The following NEB variants were observed in gnomAD, a reference collection of about 807,000 sequenced individuals.
NEB encodes nebulin.
Under a neutral mutation model 952.2 loss-of-function variants are expected in NEB, and 512 were observed. The ratio of observed to expected loss-of-function variants is 0.54; its 90% CI spans 0.50 to 0.58. The LOEUF is 0.58. Among genes scored for constraint, NEB ranks in the 20% least tolerant of loss-of-function variants. The probability of loss-of-function intolerance (pLI) is 0.00; values close to 1 mark genes in which losing one functional copy is unlikely to be tolerated. For synonymous variants in NEB, 2,900 were observed against 3,149.8 expected, an observed-to-expected ratio of 0.92 and a Z score of 2.66; for missense variants, 8,428 against 9,231.1, an observed-to-expected ratio of 0.91 and a Z score of 3.56.
intron 63 of NEB, among the ~76,000 whole-genome samples, chr2:151,638,086 A>T (rs1157150586): frequency 6.6e-6 from 1 of 152,232 alleles, no homozygotes; most frequent in Admixed American, 6.5e-5. Flanking sequence ...TAAGAAGAAG[A>T]AATTACAGAG....
At chr2:151,624,538 C>T (rs2098481343) in intron 71 of NEB, among the ~76,000 whole-genome samples, 1 of 152,140 alleles carries the variant, frequency 6.6e-6, no homozygotes, top group South Asian at 2.1e-4. Context: ...TATCTATAAT[C>T]AGGCTTGTCC....
chr2:151,719,520 A>G (rs540147997), intron 9 of NEB, among the ~76,000 whole-genome samples: 30 of 152,318 alleles, frequency 2.0e-4, no homozygotes, highest in Non-Finnish European at 2.9e-4. Flanking sequence ...CATCAAATCA[A>G]TTGGGATACA....
chr2:151,655,090 T>C (rs141094882), intron 51 of NEB, among the ~76,000 whole-genome samples, 180 bp downstream of exon 51: 5 of 152,324 alleles, frequency 3.3e-5, no homozygotes, highest in African/African-American at 1.2e-4. Context: ...CCACAAAGCA[T>C]ACAGTTGTGG....
intron 3 of NEB, among the ~76,000 whole-genome samples, chr2:151,732,216 A>T (rs2099810727): frequency 6.6e-6 from 1 of 152,196 alleles, no homozygotes; most frequent in Non-Finnish European, 1.5e-5. Flanking sequence ...CATCATCATT[A>T]ATTGGTAATT....
chr2:151,627,389 A>C, intron 69 of NEB, 134 bp downstream of exon 69: 1 of 1,442,438 alleles, frequency 6.9e-7, no homozygotes, highest in Non-Finnish European at 9.4e-7. Context: ...AGTAAGGGGA[A>C]GAGTTGCCTA....
At position 151,674,641 on chromosome 2, in the gene NEB, G is replaced by T. The variant is rs149111593; in HGVS notation, c.3880-57C>A. 36 of 1,311,018 alleles carry T rather than the reference G, an allele frequency of 2.7e-5. No individual in the cohort carries two copies. In the African/African-American group the frequency reaches 3.9e-4, roughly 14 times the overall value. The allele number at this position is 1,311,018 out of a possible 1,614,324, so 81.2% of individuals were successfully genotyped here. A position where few individuals can be genotyped will look rare whatever the true frequency, so the allele number is the denominator to read the frequency against. On this transcript the variant is annotated intron_variant, in intron 35 of 181. Transcript: ENST00000397345. Reference sequence around the variant, plus strand: ...CTGTAAGTGATTCCTCAACTGCTGGGATTGTTTTGTTCTTTTCCAGACAGA... The same window carrying T: ...CTGTAAGTGATTCCTCAACTGCTGGTATTGTTTTGTTCTTTTCCAGACAGA...
At position 151,644,523 on chromosome 2, in the gene NEB, G is replaced by C. The variant is rs1315888310; in HGVS notation, c.7589C>G (p.Pro2530Arg). The C allele has an allele frequency of 1.2e-6, 2 of 1,613,924 alleles. No individual in the cohort carries two copies. Among genetic ancestry groups the C allele is most frequent in the Admixed American group, 1.7e-5 (1 of 60,024 alleles). Residue 2530 changes from proline to arginine, a missense_variant, in exon 56 of 182, where the codon CCT becomes CGT. By Grantham distance (103) the Pro-to-Arg change is moderately radical. Transcript: ENST00000397345. ...TGCTTTGATTGGTATGGCATCAACAGGAAGATCGTAACCTTTTCTCTTCAG... is the reference window on the plus strand; with the variant it reads ...TGCTTTGATTGGTATGGCATCAACACGAAGATCGTAACCTTTTCTCTTCAG... ...EELKRKGYDL[P>R]VDAIPIKAAK...
intron 13 of NEB, among the ~76,000 whole-genome samples, chr2:151,706,536 A>G (rs527576680): frequency 1.3e-5 from 2 of 152,250 alleles, no homozygotes; most frequent in Non-Finnish European, 2.9e-5. Flanking sequence ...TATCTTTGAA[A>G]GTCTCCTTCT....
chr2:151,650,975 T>G, intron 52 of NEB, 90 bp from the exon 53 acceptor site: 4 of 1,276,268 alleles, frequency 3.1e-6, no homozygotes, highest in Non-Finnish European at 3.2e-6. Context: ...TTCTTTTTTT[T>G]GAGACAGGGG....
intron 73 of NEB, 81 bp from the exon 74 acceptor site, chr2:151,618,559 C>T: frequency 1.5e-6 from 2 of 1,302,966 alleles, no homozygotes; most frequent in East Asian, 5.0e-5. Context: ...CCTAGAGAAA[C>T]ACAAAAATAC....
chr2:151,659,269 T>C, intron 46 of NEB, 100 bp from the exon 47 acceptor site: 1 of 652,354 alleles, frequency 1.5e-6, no homozygotes, highest in Non-Finnish European at 2.6e-6. Context: ...TCATGTATTT[T>C]TATTAGCTAG....
intron 71 of NEB, 48 bp from the exon 72 acceptor site, chr2:151,621,074 G>A (rs756946672): frequency 7.6e-6 from 11 of 1,451,602 alleles, no homozygotes; most frequent in Middle Eastern, 3.5e-4. Flanking sequence ...ACATTCACTC[G>A]AAAAGTATAT....
intron 135 of NEB, among the ~76,000 whole-genome samples, chr2:151,542,177 A>T (rs985349868): frequency 1.1e-4 from 16 of 152,076 alleles, no homozygotes; most frequent in Admixed American, 6.5e-5. Flanking sequence ...CTTCCATTCA[A>T]CCATTCTTCC....
Position 151,680,712 on chromosome 2 carries a change from G to A in NEB, c.3042+18C>T. 1 of 1,496,118 alleles carries A rather than the reference G, an allele frequency of 6.7e-7. No homozygotes were observed. Among genetic ancestry groups the A allele is most frequent in the Non-Finnish European group, 9.3e-7 (1 of 1,078,316 alleles). The allele number at this position is 1,496,118 out of a possible 1,614,324, so 92.7% of individuals were successfully genotyped here. ...ATTAGTTAACATCTATTAACATATA[G>A]ATAGCATTAACACTTACATCACTCC... On this transcript the variant is annotated intron_variant, in intron 30 of 181. Transcript: ENST00000397345.
intron 52 of NEB, among the ~76,000 whole-genome samples, chr2:151,651,932 C>T (rs979727339): frequency 2.6e-5 from 4 of 152,092 alleles, no homozygotes; most frequent in South Asian, 4.1e-4. Context: ...GAAAACAACA[C>T]TAAATTTTGA....
At chr2:151,727,616 T>A in intron 5 of NEB, 75 bp downstream of exon 5, 1 of 1,429,252 alleles carries the variant, frequency 7.0e-7, no homozygotes. Flanking sequence ...CCAGCCAGCA[T>A]CCAAAACAGA....
Position 151,507,842 on chromosome 2 carries a change from C to G in NEB, c.23451+163G>C, listed in dbSNP as rs1004635808. ...CATGCTGTGATTTGGGATTAAGATA[C>G]AAGGTGAGCCCAGAGATGAATTGGG... On this transcript the variant is annotated intron_variant, in intron 162 of 181. Coordinates refer to ENST00000397345, the MANE Select transcript of NEB (RefSeq NM_001164508.2). The G allele has an allele frequency of 2.3e-5, 14 of 600,472 alleles. No homozygotes were observed. In the Admixed American group the frequency reaches 3.7e-4, roughly 16 times the overall value. The allele number at this position is 600,472 out of a possible 1,614,324, so 37.2% of individuals were successfully genotyped here.
chr2:151,508,379 G>A (rs1475614174), intron 161 of NEB, among the ~76,000 whole-genome samples: 4 of 152,236 alleles, frequency 2.6e-5, no homozygotes, highest in African/African-American at 4.8e-5. Flanking sequence ...AACCTTGCTA[G>A]CTGGTCCACA....
At chr2:151,715,576 T>C (rs1212916789) in intron 10 of NEB, among the ~76,000 whole-genome samples, 4 of 152,208 alleles carry the variant, frequency 2.6e-5, no homozygotes, top group Admixed American at 6.5e-5. Flanking sequence ...GAGGAAGAGA[T>C]CAGAGCTGGC....
Sources: allele counts gnomAD v4.1 joint callset (sites outside exome capture counted in the v4.1 genomes callset), GRCh38; gene constraint gnomAD v4.1.1; transcripts MANE v1.5; gene names NCBI Gene and HGNC (gene_info 2026-07-23, HGNC 2026-07-21).